Variants in CYP4F11 observed in about 807,000 individuals in gnomAD.
CYP4F11 encodes cytochrome P450 4F11.
A neutral mutation model predicts 62.2 loss-of-function variants in CYP4F11; 79 were observed. The ratio of observed to expected loss-of-function variants is 1.27; its 90% confidence interval spans 1.06 to 1.53. CYP4F11 has a LOEUF of 1.53. CYP4F11 is among the 40% of genes most tolerant of loss of function. The probability of loss-of-function intolerance (pLI) is 0.00; values close to 1 mark genes in which losing one functional copy is unlikely to be tolerated. For missense variants in CYP4F11, 777 were observed against 680.5 expected, an observed-to-expected ratio of 1.14 and a Z score of -1.58; for synonymous variants, 290 against 263.7, an observed-to-expected ratio of 1.10 and a Z score of -0.97.
chr19:15,927,165 C>G, intron 4 of CYP4F11, 47 bp downstream of exon 4: 2 of 1,597,186 alleles, frequency 1.3e-6, no homozygotes, highest in Non-Finnish European at 1.7e-6. Flanking sequence ...GCCTGTGGTC[C>G]CTCTACCCCA....
Position 15,923,928 on chromosome 19 carries a change from C to A in CYP4F11, c.802G>T (p.Asp268Tyr). 6.2e-7 allele frequency: 1 copy of A among 1,614,214 alleles called. No individual in the cohort carries two copies. The highest frequency in any genetic ancestry group is 2.2e-5 in the East Asian group (1 of 44,880). Reference sequence around the variant, plus strand: ...CAGCGCCGCTCCTGGATGACGGCATCTGTGAAGTCGTGCACCAGGTGGCAG... The same window carrying A: ...CAGCGCCGCTCCTGGATGACGGCATATGTGAAGTCGTGCACCAGGTGGCAG... ...RACHLVHDFTDAVIQERRCTL... is the reference protein window; with the variant it reads ...RACHLVHDFTYAVIQERRCTL... The change falls in exon 6 of 12, where the codon GAT (aspartate) becomes TAT (tyrosine). Residue 268 changes from aspartate to tyrosine, a missense_variant. Physicochemically the swap from Asp to Tyr is radical, Grantham distance 160 (BLOSUM62 -3). Coordinates refer to ENST00000402119, the MANE Select transcript of CYP4F11 (RefSeq NM_021187.4).
intron 8 of CYP4F11, among the ~76,000 whole-genome samples, 199 bp downstream of exon 8, chr19:15,921,838 C>T (rs530100516): frequency 6.6e-6 from 1 of 152,276 alleles, no homozygotes; most frequent in East Asian, 1.9e-4. Context: ...GTCACAAATT[C>T]TCCCAGCAGC....
rs1568479738 is a variant in CYP4F11 at position 15,912,785 on chromosome 19, A to ATGTGTGTGTGTG, written c.*946_*947insCACACACACACA. The ATGTGTGTGTGTG allele has an allele frequency of 3.9e-5, 1 of 25,816 alleles. No individual in the cohort carries two copies. Among genetic ancestry groups the ATGTGTGTGTGTG allele is most frequent in the African/African-American group, 1.7e-4 (1 of 6,038 alleles). The allele number at this position is 25,816 out of a possible 1,614,324, so 1.6% of individuals were successfully genotyped here. Reference sequence around the variant, plus strand: ...TGTGTGTGTGTGTATATATATATATATATAATATATATATATATATACATA... The same window carrying ATGTGTGTGTGTG: ...TGTGTGTGTGTGTATATATATATATATGTGTGTGTGTGTATAATATATATATATATATACATA... On this transcript the variant is annotated 3_prime_UTR_variant, in exon 12 of 12. Coordinates refer to ENST00000402119, the MANE Select transcript of CYP4F11 (RefSeq NM_021187.4).
chr19:15,934,284 T>C lies in CYP4F11; in HGVS notation c.125A>G (p.Tyr42Cys), dbSNP rs2089758399. The change falls in exon 1 of 12, where the codon TAT becomes TGT. Residue 42 changes from tyrosine to cysteine, a missense_variant. By Grantham distance (194) the Tyr-to-Cys change is radical. Coordinates refer to ENST00000402119, the MANE Select transcript of CYP4F11 (RefSeq NM_021187.4). The part of the protein sequence containing the change: ...ARVLAWTYTF[Y>C]DNCRRLQCFP... Reference sequence around the variant, plus strand: ...ACACTGGAGGCGGCGGCAGTTGTCATAGAAGGTGTAGGTCCAGGCCAGGAC... The same window carrying C: ...ACACTGGAGGCGGCGGCAGTTGTCACAGAAGGTGTAGGTCCAGGCCAGGAC... 2 of 1,613,662 alleles carry C rather than the reference T, an allele frequency of 1.2e-6. No individual in the cohort carries two copies. Among genetic ancestry groups the C allele is most frequent in the Non-Finnish European group, 1.7e-6 (2 of 1,179,786 alleles).
In CYP4F11 at chr19:15,913,892, G is replaced by GCCT; in HGVS notation, c.1412_1414dup (p.Gln471_Ala472insGlu). The GCCT allele has an allele frequency of 6.2e-7, 1 of 1,613,358 alleles. No individual in the cohort carries two copies. Among genetic ancestry groups the GCCT allele is most frequent in the East Asian group, 2.2e-5 (1 of 44,864 alleles). The stretch of plus-strand genomic sequence containing the variant: ...CACCTTCATCTCAGCCATGGCGAAC[G>GCCT]CCTGCCCGATGCAGTTTCTGGGGGC... On this transcript the variant is annotated inframe_insertion, in exon 12 of 12. Coordinates refer to ENST00000402119, the MANE Select transcript of CYP4F11 (RefSeq NM_021187.4).
rs2089541117 is a variant in CYP4F11, at chr19:15,912,684, T to TAA, written c.*1047_*1048insTT. Reference sequence around the variant, plus strand: ...CATCCTCAGGAAAAAAAAAAAAATATATATATATATATATGTGTGTGTGTG... The same window carrying TAA: ...CATCCTCAGGAAAAAAAAAAAAATATAAATATATATATATATGTGTGTGTGTG... On this transcript the variant is annotated 3_prime_UTR_variant, in exon 12 of 12. Coordinates refer to ENST00000402119, the MANE Select transcript of CYP4F11 (RefSeq NM_021187.4). 4.6e-5 allele frequency: 2 copies of TAA among 43,058 alleles called. No homozygotes were observed. Among genetic ancestry groups the TAA allele is most frequent in the African/African-American group, 8.2e-5 (1 of 12,154 alleles). 2.7% of individuals were successfully genotyped at this position (43,058 alleles called of 1,614,324 possible). A position where few individuals can be genotyped will look rare whatever the true frequency, so the allele number is the denominator to read the frequency against.
chr19:15,931,037 C>G (rs1334124111), intron 1 of CYP4F11, among the ~76,000 whole-genome samples: 1 of 152,180 alleles, frequency 6.6e-6, no homozygotes, highest in East Asian at 1.9e-4. Flanking sequence ...GAGAGCAGGT[C>G]TAAGTCGGAG....
Position 15,934,489 on chromosome 19 carries a change from G to T in CYP4F11, c.-81C>A. 1 of 1,496,466 alleles carries T rather than the reference G, an allele frequency of 6.7e-7. No homozygotes were observed. Among genetic ancestry groups the T allele is most frequent in the Non-Finnish European group, 9.0e-7 (1 of 1,112,096 alleles). The allele number at this position is 1,496,466 out of a possible 1,614,324, so 92.7% of individuals were successfully genotyped here. A position where few individuals can be genotyped will look rare whatever the true frequency, so the allele number is the denominator to read the frequency against. On this transcript the variant is annotated 5_prime_UTR_variant, in exon 1 of 12. Coordinates refer to ENST00000402119, the MANE Select transcript of CYP4F11 (RefSeq NM_021187.4). ...GAAGCTCCAAGGACAGTGGAAAGGG[G>T]CAAGGATGGGCAGTGCTGGAGGCAG... is the stretch of plus-strand genomic sequence containing the variant.
intron 2 of CYP4F11, chr19:15,928,044 G>C (rs2089683682): frequency 6.5e-6 from 1 of 153,062 alleles, no homozygotes; most frequent in East Asian, 1.9e-4. Flanking sequence ...GTATAACCAA[G>C]CCTATTCTTC....
chr19:15,934,104 T>G, intron 1 of CYP4F11, 107 bp downstream of exon 1: 1 of 1,202,104 alleles, frequency 8.3e-7, no homozygotes, highest in Non-Finnish European at 1.2e-6. Context: ...TTCTCTGTGT[T>G]CCCACACCCC....
At position 15,913,708 on chromosome 19, in the gene CYP4F11, G is replaced by A. The variant is rs1198922627; in HGVS notation, c.*24C>T. Reference sequence around the variant, plus strand: ...ATAGTTTTGTTTCTGGGACTCTACAGAGGTGGGTGGGTGGGTAGGACAGTC... The same window carrying A: ...ATAGTTTTGTTTCTGGGACTCTACAAAGGTGGGTGGGTGGGTAGGACAGTC... On this transcript the variant is annotated 3_prime_UTR_variant, in exon 12 of 12. Transcript: ENST00000402119. The A allele has an allele frequency of 1.9e-6, 3 of 1,611,816 alleles. No individual in the cohort carries two copies. The highest frequency in any genetic ancestry group is 2.7e-5 in the African/African-American group (2 of 74,864).
intron 1 of CYP4F11, among the ~76,000 whole-genome samples, chr19:15,931,532 ATGAGTGAGCGGGGAGAGGAATGAGTGAG>A (rs2089717049): frequency 9.6e-6 from 1 of 103,986 alleles, no homozygotes; most frequent in East Asian, 2.8e-4. Flanking sequence ...CATCAGAGGA[ATGAGTGAGCGGGGAGAGGAATGAGTGAG>A]CGAGGAGAGG....
rs535851906 is a variant in CYP4F11, at chr19:15,919,427, G to A, written c.1115+2610C>T. ...GGATGGATGGACGGATGGATGGATG[G>A]ATGGATGGATGGATGGATGGATGGA... On this transcript the variant is annotated intron_variant, in intron 8 of 11. Coordinates refer to ENST00000402119, the MANE Select transcript of CYP4F11 (RefSeq NM_021187.4). Among the ~76,000 whole-genome samples, 79 of 150,856 alleles carry A rather than the reference G, an allele frequency of 5.2e-4. 1 individual carries two copies. The highest frequency in any genetic ancestry group is 6.9e-3 in the Middle Eastern group (2 of 290).
Position 15,927,337 on chromosome 19 carries a change from C to A in CYP4F11, c.400G>T (p.Asp134Tyr), listed in dbSNP as rs377289027. The A allele has an allele frequency of 1.2e-6, 2 of 1,614,086 alleles. No homozygotes were observed. Among genetic ancestry groups the A allele is most frequent in the South Asian group, 1.1e-5 (1 of 91,070 alleles). The change falls in exon 4 of 12, where the codon GAT becomes TAT. Residue 134 changes from aspartate to tyrosine, a missense_variant and splice_region_variant. Coordinates refer to ENST00000402119, the MANE Select transcript of CYP4F11 (RefSeq NM_021187.4). ...FYGFLKPWLG[D>Y]GLLLSGGDKW... Reference sequence around the variant, plus strand: ...TCACCACCACTCAGCAGGAGCCCATCCCCTGGCAGGGCAACCAAGGACAGT... The same window carrying A: ...TCACCACCACTCAGCAGGAGCCCATACCCTGGCAGGGCAACCAAGGACAGT...
intron 4 of CYP4F11, among the ~76,000 whole-genome samples, chr19:15,926,752 C>T (rs2089671176): frequency 6.6e-6 from 1 of 152,210 alleles, no homozygotes; most frequent in Admixed American, 6.5e-5. Flanking sequence ...CCCAAACAAA[C>T]ATGTGAATAA....
At chr19:15,920,155 C>T (rs2089614585) in intron 8 of CYP4F11, among the ~76,000 whole-genome samples, 2 of 152,110 alleles carry the variant, frequency 1.3e-5, no homozygotes, top group South Asian at 4.1e-4. Context: ...TTGTGTACAT[C>T]ATAACATCAC....
In CYP4F11 at chr19:15,927,356, G is replaced by A. The variant is rs746500337; in HGVS notation, c.398-17C>T. On this transcript the variant is annotated splice_polypyrimidine_tract_variant and intron_variant, in intron 3 of 11. Transcript: ENST00000402119. ...GCCCATCCCCTGGCAGGGCAACCAAGGACAGTGGTCAAGGGCAGCACCCTC... is the reference window on the plus strand; with the variant it reads ...GCCCATCCCCTGGCAGGGCAACCAAAGACAGTGGTCAAGGGCAGCACCCTC... The A allele has an allele frequency of 6.2e-7, 1 of 1,613,974 alleles. No individual in the cohort carries two copies. The highest frequency in any genetic ancestry group is 8.5e-7 in the Non-Finnish European group (1 of 1,179,904).
chr19:15,916,555 C>T (rs1027708493), intron 8 of CYP4F11, among the ~76,000 whole-genome samples: 5 of 152,092 alleles, frequency 3.3e-5, no homozygotes, highest in Non-Finnish European at 5.9e-5. Context: ...CAAGAATCTA[C>T]AAGGAACTCA....
chr19:15,913,851 G>A lies in CYP4F11; in HGVS notation c.1456C>T (p.Leu486=), dbSNP rs1313771832. 9 of 1,614,086 alleles carry A rather than the reference G, an allele frequency of 5.6e-6. No homozygotes were observed. In the South Asian group the frequency reaches 8.8e-5, roughly 16 times the overall value. Residue 486 remains leucine, a synonymous_variant, in exon 12 of 12, where the codon CTG becomes TTG. Coordinates refer to ENST00000402119, the MANE Select transcript of CYP4F11 (RefSeq NM_021187.4). ...GTCGGCAGGATGCGGAAGTGCAGCA[G>A]GGTGAGCGCCAGGACCACCTTCATC... is the stretch of plus-strand genomic sequence containing the variant. The part of the protein sequence containing the change: ...AEMKVVLALT[L]LHFRILPTHT...
Sources: allele counts gnomAD v4.1 joint callset (sites outside exome capture counted in the v4.1 genomes callset), GRCh38; gene constraint gnomAD v4.1.1; transcripts MANE v1.5; gene names NCBI Gene and HGNC (gene_info 2026-07-23, HGNC 2026-07-21).